The following SGCD variants were observed in gnomAD, a reference collection of about 807,000 sequenced individuals.
The protein encoded by SGCD is sarcoglycan delta, also known as delta-sarcoglycan.
In SGCD, 18 loss-of-function variants were observed where a neutral mutation model predicts 36.6. The observed-to-expected ratio is 0.49, with a 90% CI of 0.34 to 0.73. SGCD has a LOEUF of 0.73. SGCD is among the 30% of genes least tolerant of loss of function. The pLI is 0.01. For missense variants in SGCD, 387 were observed against 346.7 expected, an observed-to-expected ratio of 1.12 and a Z score of -0.92; for synonymous variants, 133 against 130.6, an observed-to-expected ratio of 1.02 and a Z score of -0.12.
At chr5:156,362,306 C>T (rs928896974) in intron 3 of SGCD, among the ~76,000 whole-genome samples, 5 of 152,176 alleles carry the variant, frequency 3.3e-5, no homozygotes, top group Admixed American at 1.3e-4. Flanking sequence ...TCTTCAAAGC[C>T]AATATTCCTA....
intron 4 of SGCD, among the ~76,000 whole-genome samples, chr5:156,576,081 C>A (rs1242121551): frequency 6.6e-6 from 1 of 152,114 alleles, no homozygotes; most frequent in Admixed American, 6.5e-5. Context: ...CCCTGCCCCC[C>A]ACCCCACAAT....
intron 4 of SGCD, among the ~76,000 whole-genome samples, chr5:156,580,485 G>A (rs911944776): frequency 4.6e-5 from 7 of 150,892 alleles, no homozygotes; most frequent in Non-Finnish European, 8.9e-5. Context: ...GGAACACTCC[G>A]AAGAGTGTTT....
rs1330398244 is a variant in SGCD at position 156,558,088 on chromosome 5, A to AATGTATATAT, written c.295-31141_295-31140insGTATATATAT. Among the ~76,000 whole-genome samples, 600 of 95,562 alleles carry AATGTATATAT rather than the reference A, an allele frequency of 6.3e-3. 13 individuals are homozygous for AATGTATATAT. The highest frequency in any genetic ancestry group is 0.022 in the African/African-American group (552 of 25,326). The allele number at this position is 95,562 out of a possible 152,430, so 62.7% of individuals were successfully genotyped here. The stretch of plus-strand genomic sequence containing the variant: ...ACTGAGTGTGTTATTAGTAAATACA[A>AATGTATATAT]ATATATATATATATATATATATATA... On this transcript the variant is annotated intron_variant, in intron 4 of 8. Transcript: ENST00000337851.
At chr5:156,346,327 C>A (rs1257633075) in intron 3 of SGCD, among the ~76,000 whole-genome samples, 1 of 152,096 alleles carries the variant, frequency 6.6e-6, no homozygotes, top group African/African-American at 2.4e-5. Flanking sequence ...TAGGCAGGGT[C>A]TCACTTTTTC....
intron 1 of SGCD, among the ~76,000 whole-genome samples, chr5:155,924,015 A>G (rs1756943111): frequency 1.3e-5 from 2 of 152,214 alleles, no homozygotes; most frequent in African/African-American, 4.8e-5. Context: ...CTCACATTGC[A>G]GGGAAAGAGC....
chr5:156,546,563 G>T (rs1335189507), intron 4 of SGCD, among the ~76,000 whole-genome samples: 1 of 151,970 alleles, frequency 6.6e-6, no homozygotes. Context: ...ATAACTTTCA[G>T]ATTATTTTAT....
At chr5:156,715,378 G>A (rs1755172114) in intron 7 of SGCD, among the ~76,000 whole-genome samples, 1 of 152,080 alleles carries the variant, frequency 6.6e-6, no homozygotes, top group Admixed American at 6.6e-5. Context: ...GATTATGCAG[G>A]GCACAACTGA....
intron 6 of SGCD, among the ~76,000 whole-genome samples, chr5:156,628,202 G>A (rs1762503942): frequency 6.6e-6 from 1 of 152,076 alleles, no homozygotes; most frequent in Non-Finnish European, 1.5e-5. Context: ...AGTACAGGGG[G>A]AAAATACTAA....
At chr5:155,880,375 T>C (rs1418413732) in intron 1 of SGCD, among the ~76,000 whole-genome samples, 9 of 152,172 alleles carry the variant, frequency 5.9e-5, no homozygotes, top group Admixed American at 5.9e-4. Flanking sequence ...GTTTTAGTAG[T>C]AGCTGGTATT....
intron 1 of SGCD, among the ~76,000 whole-genome samples, chr5:156,072,186 G>A (rs1760594300): frequency 6.6e-6 from 1 of 152,050 alleles, no homozygotes; most frequent in South Asian, 2.1e-4. Flanking sequence ...ATATTAGCTG[G>A]TTATTTTGCT....
intron 3 of SGCD, among the ~76,000 whole-genome samples, chr5:156,477,401 G>T (rs903518189): frequency 3.9e-5 from 6 of 152,126 alleles, no homozygotes; most frequent in Non-Finnish European, 8.8e-5. Flanking sequence ...CAGGCCCCAT[G>T]ACTTTTCTGG....
intron 3 of SGCD, among the ~76,000 whole-genome samples, chr5:156,378,123 TAAATA>T (rs758534294): frequency 1.3e-5 from 2 of 152,138 alleles, no homozygotes; most frequent in Non-Finnish European, 2.9e-5. Context: ...GATGAATGGA[TAAATA>T]AAATGTGGTA....
chr5:156,315,225 C>G (rs914241833), intron 3 of SGCD, among the ~76,000 whole-genome samples: 8 of 151,380 alleles, frequency 5.3e-5, no homozygotes, highest in African/African-American at 1.9e-4. Flanking sequence ...CCTACCACCC[C>G]CTTGTAACCA....
intron 7 of SGCD, among the ~76,000 whole-genome samples, chr5:156,691,390 A>C (rs964119156): frequency 1.3e-5 from 2 of 152,022 alleles, no homozygotes; most frequent in African/African-American, 4.8e-5. Context: ...GGACCACACA[A>C]ATGTAGAGCA....
chr5:156,668,450 G>T (rs1753145385), intron 7 of SGCD, among the ~76,000 whole-genome samples: 1 of 152,028 alleles, frequency 6.6e-6, no homozygotes, highest in Non-Finnish European at 1.5e-5. Context: ...AGTTCTCTTA[G>T]AGTGTAGAAG....
At chr5:156,461,042 G>C (rs546780542) in intron 3 of SGCD, among the ~76,000 whole-genome samples, 1 of 152,082 alleles carries the variant, frequency 6.6e-6, no homozygotes. Flanking sequence ...GTGGTTCCAG[G>C]GCATACTTTA....
intron 4 of SGCD, among the ~76,000 whole-genome samples, chr5:156,524,009 GA>G (rs149290391): frequency 0.024 from 3,263 of 135,998 alleles, 135 homozygotes; most frequent in Admixed American, 0.1. Context: ...TAACATTGGT[GA>G]AAAAAAAAAT....
At chr5:155,867,136 T>G (rs189589593), upstream of SGCD, among the ~76,000 whole-genome samples, 78 of 152,238 alleles carry the variant, frequency 5.1e-4, no homozygotes, top group East Asian at 7.7e-4. Flanking sequence ...TTTTAGGCTT[T>G]TAAACAGATC....
At chr5:156,304,758 G>A (rs1010413327) in intron 3 of SGCD, among the ~76,000 whole-genome samples, 3 of 152,244 alleles carry the variant, frequency 2.0e-5, no homozygotes, top group Non-Finnish European at 4.4e-5. Context: ...TGTTGAATGG[G>A]TTTGACAAAA....
Sources: gnomAD v4.1 joint callset for allele counts (sites outside exome capture counted in the v4.1 genomes callset) on GRCh38, gnomAD v4.1.1 for gene constraint, MANE v1.5 for transcripts, NCBI Gene and HGNC (gene_info 2026-07-23, HGNC 2026-07-21) for gene names.